The following SDK1 variants were observed in gnomAD, a reference collection of about 807,000 sequenced individuals.
The protein encoded by SDK1 is sidekick cell adhesion molecule 1.
SDK1 carries 157 observed loss-of-function variants against 245.5 expected under a neutral mutation model. The ratio of observed to expected loss-of-function variants is 0.64; its 90% CI spans 0.56 to 0.73. The LOEUF is 0.73. Among genes scored for constraint, SDK1 ranks in the 30% least tolerant of loss-of-function variants. The probability of loss-of-function intolerance (pLI) is 0.00; values close to 1 mark genes in which losing one functional copy is unlikely to be tolerated. For missense variants in SDK1, 3,583 were observed against 3,002.3 expected (o/e 1.19, Z -4.52); for synonymous variants, 1,647 against 1,278.5 (o/e 1.29, Z -6.15).
chr7:4,125,050 ATGGATGGGTAATGGG>A (rs2128195690), intron 25 of SDK1, among the ~76,000 whole-genome samples: 1 of 149,828 alleles, frequency 6.7e-6, no homozygotes, highest in African/African-American at 2.5e-5. Context: ...AGATGGATGG[ATGGATGGGTAATGGG>A]TGGATGGATG....
intron 14 of SDK1, among the ~76,000 whole-genome samples, chr7:3,998,147 G>A (rs2128143287): frequency 6.6e-6 from 1 of 152,354 alleles, no homozygotes; most frequent in Non-Finnish European, 1.5e-5. Flanking sequence ...TGGAATGGGA[G>A]GCCCAGGTCT....
chr7:3,808,470 C>T (rs902809066), intron 4 of SDK1, among the ~76,000 whole-genome samples: 1 of 152,242 alleles, frequency 6.6e-6, no homozygotes, highest in Non-Finnish European at 1.5e-5. Flanking sequence ...GATTTGCTTA[C>T]TGGCAACTTC....
rs376744628 is a variant in SDK1, at chr7:4,045,498, G to A, written c.2603-3850G>A. ...TGGGCTCAAGCGATCCTCCCACCTC[G>A]GCCTCCCAAAATGCTGGGATTACAA... On this transcript the variant is annotated intron_variant, in intron 17 of 44. Transcript: ENST00000404826. Among the ~76,000 whole-genome samples, 61 of 151,618 alleles carry A rather than the reference G, an allele frequency of 4.0e-4. No homozygotes were observed. In the Middle Eastern group the frequency reaches 0.01, roughly 25 times the overall value.
intron 1 of SDK1, among the ~76,000 whole-genome samples, chr7:3,359,906 G>T (rs929225624): frequency 6.6e-6 from 1 of 152,132 alleles, no homozygotes; most frequent in Non-Finnish European, 1.5e-5. Context: ...GCTCTGTTTG[G>T]CTGAATGAAT....
intron 4 of SDK1, among the ~76,000 whole-genome samples, chr7:3,706,708 T>C (rs1784901876): frequency 1.3e-5 from 2 of 152,104 alleles, no homozygotes; most frequent in Admixed American, 1.3e-4. Flanking sequence ...GGCCAGCAAC[T>C]TTTTTTTAAA....
At position 4,052,008 on chromosome 7, in the gene SDK1, G is replaced by C. The variant is rs565844851; in HGVS notation, c.2911+178G>C. ...TCAGTACTGATAATGCCTCGCAGAG[G>C]ATGGCACGTGGACAGTGGAGGGTGG... On this transcript the variant is annotated intron_variant, in intron 19 of 44. Coordinates refer to ENST00000404826, the MANE Select transcript of SDK1 (RefSeq NM_152744.4). Among the ~76,000 whole-genome samples, 114 of 152,242 alleles carry C rather than the reference G, an allele frequency of 7.5e-4. 1 individual carries two copies. The highest frequency in any genetic ancestry group is 3.4e-3 in the Middle Eastern group (1 of 294).
At chr7:4,097,718 T>C (rs926842182) in intron 22 of SDK1, among the ~76,000 whole-genome samples, 2 of 152,206 alleles carry the variant, frequency 1.3e-5, no homozygotes, top group African/African-American at 4.8e-5. Context: ...TGTCTCCTCC[T>C]TCCCTCCTTA....
intron 1 of SDK1, among the ~76,000 whole-genome samples, chr7:3,594,082 T>C (rs564897133): frequency 1.4e-4 from 22 of 152,304 alleles, no homozygotes; most frequent in Admixed American, 5.2e-4. Context: ...ACCATGTACC[T>C]ACTAGGAGTC....
chr7:3,987,737 C>G (rs1271295613), intron 14 of SDK1, among the ~76,000 whole-genome samples: 3 of 151,826 alleles, frequency 2.0e-5, no homozygotes, highest in African/African-American at 7.3e-5. Flanking sequence ...GTTCAGCACC[C>G]TCTTCCTGAC....
intron 4 of SDK1, among the ~76,000 whole-genome samples, chr7:3,793,480 G>T (rs1778869308): frequency 6.6e-6 from 1 of 152,110 alleles, no homozygotes; most frequent in Non-Finnish European, 1.5e-5. Flanking sequence ...GCTCATGAAA[G>T]GCTTCCTCGT....
intron 1 of SDK1, among the ~76,000 whole-genome samples, chr7:3,352,036 G>C: frequency 1.3e-5 from 2 of 151,654 alleles, no homozygotes; most frequent in Middle Eastern, 6.9e-3. Context: ...TTTTCTTACG[G>C]AATTATAGAA....
intron 4 of SDK1, among the ~76,000 whole-genome samples, chr7:3,718,411 G>A (rs1785264749): frequency 6.6e-6 from 1 of 151,828 alleles, no homozygotes; most frequent in South Asian, 2.1e-4. Flanking sequence ...GTGGGCCTAA[G>A]GTGGGAGGAT....
intron 44 of SDK1, 34 bp downstream of exon 44, chr7:4,245,839 A>G: frequency 6.2e-7 from 1 of 1,612,094 alleles, no homozygotes; most frequent in Non-Finnish European, 8.5e-7. Flanking sequence ...GGCAGTGACC[A>G]TCAGCCCCTA....
intron 4 of SDK1, among the ~76,000 whole-genome samples, chr7:3,681,279 G>A (rs1207093294): frequency 2.0e-5 from 3 of 152,086 alleles, no homozygotes; most frequent in Admixed American, 6.5e-5. Context: ...AGTTTTTGTA[G>A]CATTCGTATT....
Position 3,416,466 on chromosome 7 carries a change from T to C in SDK1, c.298+114582T>C, listed in dbSNP as rs540540865. On this transcript the variant is annotated intron_variant, in intron 1 of 44. Transcript: ENST00000404826. ...GTATTTCCACATGGCTTTCGTTCTT[T>C]TTTTTTTTTTTTTTGCGGGGGAAAC... Among the ~76,000 whole-genome samples the C allele has an allele frequency of 4.8e-3, 703 of 147,868 alleles. 1 individual carries two copies. Among genetic ancestry groups the C allele is most frequent in the Non-Finnish European group, 7.3e-3 (483 of 66,486 alleles).
intron 4 of SDK1, among the ~76,000 whole-genome samples, chr7:3,779,400 G>T (rs930213797): frequency 6.6e-6 from 1 of 151,860 alleles, no homozygotes; most frequent in African/African-American, 2.4e-5. Flanking sequence ...GGGAGACATC[G>T]AACAGTAGTT....
At chr7:3,449,966 G>T (rs1266765249) in intron 1 of SDK1, among the ~76,000 whole-genome samples, 1 of 152,214 alleles carries the variant, frequency 6.6e-6, no homozygotes, top group African/African-American at 2.4e-5. Context: ...AAATCAGACT[G>T]GCTGTTGGGG....
At chr7:3,308,211 A>G (rs1259484257) in intron 1 of SDK1, among the ~76,000 whole-genome samples, 3 of 152,192 alleles carry the variant, frequency 2.0e-5, no homozygotes, top group African/African-American at 4.8e-5. Flanking sequence ...ATTTATATAC[A>G]TGGCTGGAAG....
At chr7:4,205,837 G>C (rs1784185521) in intron 35 of SDK1, 42 bp from the exon 36 acceptor site, 1 of 1,496,614 alleles carries the variant, frequency 6.7e-7, no homozygotes, top group African/African-American at 1.4e-5. Context: ...GGCCGGCTCT[G>C]AATGAACGTC....
Sources: allele counts gnomAD v4.1 joint callset (sites outside exome capture counted in the v4.1 genomes callset), GRCh38; gene constraint gnomAD v4.1.1; transcripts MANE v1.5; gene names NCBI Gene and HGNC (gene_info 2026-07-23, HGNC 2026-07-21).